Variants in CACNA1E observed in about 807,000 individuals in gnomAD.
CACNA1E encodes the protein voltage-dependent R-type calcium channel subunit alpha-1E.
Under a neutral mutation model 259.2 loss-of-function variants are expected in CACNA1E, and 40 were observed. The observed-to-expected ratio is 0.15, with a 90% CI of 0.12 to 0.20. The LOEUF is 0.20. Ranked by LOEUF, CACNA1E falls within the 10% of genes least tolerant of loss-of-function variation. The pLI is 1.00. For missense variants in CACNA1E, 1,874 were observed against 3,040.1 expected (o/e 0.62, Z 9.02); for synonymous variants, 1,104 against 1,138.5 (o/e 0.97, Z 0.61).
intron 7 of CACNA1E, among the ~76,000 whole-genome samples, chr1:181,688,309 A>G (rs892685370): frequency 6.6e-6 from 1 of 152,228 alleles, no homozygotes; most frequent in Non-Finnish European, 1.5e-5. Context: ...GTATGTTTTT[A>G]TAGAGGTTGG....
chr1:181,734,618 C>T (rs113190627), intron 21 of CACNA1E, among the ~76,000 whole-genome samples: 1 of 144,206 alleles, frequency 6.9e-6, no homozygotes, highest in African/African-American at 2.6e-5. Context: ...CCCCACACCC[C>T]ATCCCTGCGC....
intron 6 of CACNA1E, among the ~76,000 whole-genome samples, chr1:181,624,210 C>T (rs990894451): frequency 2.0e-5 from 3 of 152,052 alleles, no homozygotes. Flanking sequence ...CATGGGAGAT[C>T]CACTCCCATG....
intron 3 of CACNA1E, among the ~76,000 whole-genome samples, chr1:181,512,481 G>T (rs536803496): frequency 6.6e-6 from 1 of 152,296 alleles, no homozygotes; most frequent in East Asian, 1.9e-4. Context: ...TACTGTGATT[G>T]ACCAACAGGA....
chr1:181,764,704 A>C (rs199919), intron 34 of CACNA1E, among the ~76,000 whole-genome samples: 40,252 of 152,190 alleles, frequency 0.26, 5,397 homozygotes, highest in Middle Eastern at 0.34. Flanking sequence ...ATGGAGGATA[A>C]ATCTAAAACC....
chr1:181,784,726 C>G lies in CACNA1E; in HGVS notation c.5536C>G (p.Leu1846Val). ...GGAGACCCTAGCCATCTGGCCTCACCTATCCCAGAAGATGCTGGATCTGCT... is the reference window on the plus strand; with the variant it reads ...GGAGACCCTAGCCATCTGGCCTCACGTATCCCAGAAGATGCTGGATCTGCT... ...QKETLAIWPH[L>V]SQKMLDLLVP... is the part of the protein sequence containing the mutation. The change falls in exon 41 of 48, where the codon CTA becomes GTA. Residue 1846 changes from leucine to valine, a missense_variant. Physicochemically the swap from Leu to Val is conservative, Grantham distance 32. Transcript: ENST00000367573. 1 of 1,586,438 alleles carries G rather than the reference C, an allele frequency of 6.3e-7. No individual in the cohort carries two copies. Among genetic ancestry groups the G allele is most frequent in the Non-Finnish European group, 8.6e-7 (1 of 1,165,986 alleles).
chr1:181,414,197 C>T (rs1229845550), intron 2 of CACNA1E, among the ~76,000 whole-genome samples: 2 of 152,186 alleles, frequency 1.3e-5, no homozygotes, highest in African/African-American at 2.4e-5. Context: ...TTAATTCTCT[C>T]GGTTGCCCCA....
At chr1:181,628,036 C>T (rs199942) in intron 6 of CACNA1E, among the ~76,000 whole-genome samples, 116,719 of 152,148 alleles carry the variant, frequency 0.77, 45,799 homozygotes, top group East Asian at 0.94. Flanking sequence ...CGAAAAAAAT[C>T]ACCCAGAAGC....
chr1:181,455,509 G>A (rs75970450), intron 2 of CACNA1E, among the ~76,000 whole-genome samples: 8,730 of 152,200 alleles, frequency 0.057, 613 homozygotes, highest in African/African-American at 0.17. Context: ...TGCTGTGCTC[G>A]TAAAAAATTC....
chr1:181,739,343 GC>G, intron 25 of CACNA1E, 90 bp downstream of exon 25: 1 of 879,784 alleles, frequency 1.1e-6, no homozygotes, highest in Non-Finnish European at 1.9e-6. Context: ...AATGCAACAT[GC>G]AGGGTGATGC....
chr1:181,467,488 T>C (rs970777914), intron 2 of CACNA1E, among the ~76,000 whole-genome samples: 1 of 152,184 alleles, frequency 6.6e-6, no homozygotes, highest in African/African-American at 2.4e-5. Context: ...ATTTGAAATC[T>C]AGTTGATAAG....
intron 43 of CACNA1E, among the ~76,000 whole-genome samples, chr1:181,788,442 T>C (rs1661025950): frequency 6.6e-6 from 1 of 152,184 alleles, no homozygotes. Context: ...CAGAGGATTA[T>C]TGGAAAGAAG....
chr1:181,659,110 A>G (rs1291760627), intron 7 of CACNA1E, among the ~76,000 whole-genome samples: 1 of 152,140 alleles, frequency 6.6e-6, no homozygotes, highest in Non-Finnish European at 1.5e-5. Context: ...GTTATGTACC[A>G]AGGCTGTTCC....
chr1:181,615,984 G>A (rs191327686), intron 6 of CACNA1E, among the ~76,000 whole-genome samples: 341 of 152,144 alleles, frequency 2.2e-3, no homozygotes, highest in African/African-American at 7.9e-3. Flanking sequence ...TGCAGCTATT[G>A]CACTGATCAT....
chr1:181,471,577 G>GAAT (rs1461487398), intron 2 of CACNA1E, among the ~76,000 whole-genome samples: 1 of 151,918 alleles, frequency 6.6e-6, no homozygotes, highest in Non-Finnish European at 1.5e-5. Flanking sequence ...GTTGCTTTCA[G>GAAT]AATTTCTTTC....
At chr1:181,466,084 G>T (rs1444104437) in intron 2 of CACNA1E, among the ~76,000 whole-genome samples, 1 of 152,192 alleles carries the variant, frequency 6.6e-6, no homozygotes, top group African/African-American at 2.4e-5. Context: ...CTCAGAGACA[G>T]AAGCTTCCTT....
intron 1 of CACNA1E, among the ~76,000 whole-genome samples, chr1:181,490,881 A>G (rs1664258886): frequency 2.1e-5 from 2 of 96,058 alleles, no homozygotes; most frequent in Non-Finnish European, 2.3e-5. Flanking sequence ...AGCCTTGATG[A>G]TACTCAGTCT....
At chr1:181,636,990 A>G (rs1004995535) in intron 6 of CACNA1E, among the ~76,000 whole-genome samples, 1 of 152,154 alleles carries the variant, frequency 6.6e-6, no homozygotes, top group African/African-American at 2.4e-5. Context: ...ATGCACCCCC[A>G]TCCCTGAGAG....
At position 181,804,817 on chromosome 1, in the gene CACNA1E, AT is replaced by A. The variant is rs202040898; in HGVS notation, c.*5991del. On this transcript the variant is annotated 3_prime_UTR_variant, in exon 48 of 48. Transcript: ENST00000367573. ...TTCTCAGCATTGCTATAAGCATTTG[AT>A]TTTTTTTAAGGAAACTTCCTGTTTA... is the stretch of plus-strand genomic sequence containing the variant. 1 of 151,504 alleles carries A rather than the reference AT, an allele frequency of 6.6e-6. No homozygotes were observed. Among genetic ancestry groups the A allele is most frequent in the African/African-American group, 2.4e-5 (1 of 41,334 alleles). The allele number at this position is 151,504 out of a possible 1,614,324, so 9.4% of individuals were successfully genotyped here.
chr1:181,373,909 G>A (rs1444550048), intron 1 of CACNA1E, among the ~76,000 whole-genome samples: 1 of 152,094 alleles, frequency 6.6e-6, no homozygotes, highest in Non-Finnish European at 1.5e-5. Flanking sequence ...CTTTATTAAT[G>A]TAGCTAGCAG....
Sources: allele counts gnomAD v4.1 joint callset (sites outside exome capture counted in the v4.1 genomes callset), GRCh38; gene constraint gnomAD v4.1.1; transcripts MANE v1.5; gene names NCBI Gene and HGNC (gene_info 2026-07-23, HGNC 2026-07-21).